The following KAZN variants were observed in gnomAD, a reference collection of about 807,000 sequenced individuals.
KAZN encodes kazrin.
Under a neutral mutation model 87.4 loss-of-function variants are expected in KAZN, and 40 were observed. That is an observed-to-expected ratio of 0.46 (90% CI 0.36 to 0.60). KAZN has a LOEUF of 0.60. Among genes scored for constraint, KAZN ranks in the 20% least tolerant of loss-of-function variants. KAZN has a pLI of 0.00. For synonymous variants in KAZN, 466 were observed against 458.3 expected (o/e 1.02, Z -0.22); for missense variants, 898 against 1,073.9 (o/e 0.84, Z 2.29).
intron 1 of KAZN, among the ~76,000 whole-genome samples, chr1:14,678,187 A>AC (rs1222865713): frequency 4.6e-5 from 7 of 152,114 alleles, no homozygotes; most frequent in African/African-American, 7.2e-5. Flanking sequence ...CCTCAGGAAG[A>AC]CCCACCCACA....
At chr1:14,374,030 C>A (rs1660709408) in intron 2 of KAZN, among the ~76,000 whole-genome samples, 1 of 152,210 alleles carries the variant, frequency 6.6e-6, no homozygotes, top group Non-Finnish European at 1.5e-5. Context: ...GTGGTAGTTA[C>A]TGACGTTCAT....
intron 1 of KAZN, among the ~76,000 whole-genome samples, chr1:14,881,535 T>G (rs1328629818): frequency 6.6e-6 from 1 of 152,236 alleles, no homozygotes; most frequent in Non-Finnish European, 1.5e-5. Context: ...CAAGTGTTTA[T>G]AGAATACTGA....
At chr1:14,209,910 G>C (rs1376087325) in intron 2 of KAZN, among the ~76,000 whole-genome samples, 1 of 152,120 alleles carries the variant, frequency 6.6e-6, no homozygotes, top group African/African-American at 2.4e-5. Flanking sequence ...GCTACTGTTT[G>C]TGGGGCCTGG....
chr1:14,360,318 G>A (rs982397285), intron 2 of KAZN, among the ~76,000 whole-genome samples: 1 of 152,074 alleles, frequency 6.6e-6, no homozygotes, highest in Non-Finnish European at 1.5e-5. Flanking sequence ...CTATAAACTA[G>A]TTATTGTAGT....
chr1:14,628,915 C>G (rs1003280980), intron 1 of KAZN, among the ~76,000 whole-genome samples: 2 of 150,906 alleles, frequency 1.3e-5, no homozygotes, highest in East Asian at 3.9e-4. Flanking sequence ...GGCACCATCT[C>G]CACTCACTGC....
chr1:14,248,076 T>A (rs1413320026), intron 2 of KAZN, among the ~76,000 whole-genome samples: 2 of 152,166 alleles, frequency 1.3e-5, no homozygotes, highest in Non-Finnish European at 2.9e-5. Flanking sequence ...AATTAGTAGG[T>A]TTGGAAAGCC....
chr1:14,575,935 T>C (rs1675151411), intron 2 of KAZN, among the ~76,000 whole-genome samples: 1 of 152,180 alleles, frequency 6.6e-6, no homozygotes, highest in South Asian at 2.1e-4. Context: ...AGAATAAAAA[T>C]GCATCCCCTT....
chr1:14,655,108 G>A (rs746803079), intron 1 of KAZN, among the ~76,000 whole-genome samples: 5 of 152,194 alleles, frequency 3.3e-5, no homozygotes, highest in Admixed American at 6.5e-5. Flanking sequence ...TATGTGTTCC[G>A]TGGTGCTGCT....
intron 2 of KAZN, among the ~76,000 whole-genome samples, chr1:14,488,311 A>G (rs1669461094): frequency 6.6e-6 from 1 of 152,098 alleles, no homozygotes; most frequent in African/African-American, 2.4e-5. Flanking sequence ...GAAGAAAGAC[A>G]GGAGGATGCT....
intron 2 of KAZN, among the ~76,000 whole-genome samples, chr1:14,230,573 T>C (rs559622477): frequency 2.6e-5 from 4 of 152,312 alleles, no homozygotes; most frequent in African/African-American, 7.2e-5. Context: ...ATTTTTCCTC[T>C]ATAGCTTGTT....
At chr1:15,064,666 G>A (rs1639078224) in intron 7 of KAZN, among the ~76,000 whole-genome samples, 1 of 152,198 alleles carries the variant, frequency 6.6e-6, no homozygotes, top group African/African-American at 2.4e-5. Context: ...GCCCCCGGTG[G>A]CCATACTGTC....
chr1:14,160,095 C>T (rs1442977215), intron 1 of KAZN, among the ~76,000 whole-genome samples: 1 of 152,146 alleles, frequency 6.6e-6, no homozygotes, highest in Non-Finnish European at 1.5e-5. Flanking sequence ...TGTCATGTGA[C>T]CTTCTGTCCA....
chr1:14,002,610 A>G (rs1340809744), intron 1 of KAZN, among the ~76,000 whole-genome samples: 1 of 152,196 alleles, frequency 6.6e-6, no homozygotes, highest in Non-Finnish European at 1.5e-5. Flanking sequence ...AAAATGAACT[A>G]ATACACTCAT....
At chr1:14,219,497 G>A (rs1255700028) in intron 2 of KAZN, among the ~76,000 whole-genome samples, 2 of 151,968 alleles carry the variant, frequency 1.3e-5, no homozygotes. Context: ...TTCTCCAATA[G>A]GTTTCATGCA....
At chr1:13,971,258 G>A (rs1642126193) in intron 1 of KAZN, among the ~76,000 whole-genome samples, 1 of 152,172 alleles carries the variant, frequency 6.6e-6, no homozygotes, top group Non-Finnish European at 1.5e-5. Flanking sequence ...AGAGCAAGTG[G>A]AACTGTTTAC....
intron 1 of KAZN, among the ~76,000 whole-genome samples, chr1:14,826,937 T>C (rs1557529941): frequency 6.6e-6 from 1 of 152,194 alleles, no homozygotes; most frequent in East Asian, 1.9e-4. Flanking sequence ...GGCTGTGTGA[T>C]GTGGGGTTAG....
intron 1 of KAZN, among the ~76,000 whole-genome samples, chr1:14,121,123 C>T (rs967616765): frequency 8.5e-5 from 13 of 152,216 alleles, no homozygotes; most frequent in Admixed American, 2.6e-4. Flanking sequence ...TCAAGCTGTG[C>T]GTACCATGGA....
At chr1:15,101,405 T>C in intron 10 of KAZN, 138 bp from the exon 11 acceptor site, 1 of 640,206 alleles carries the variant, frequency 1.6e-6, no homozygotes, top group Non-Finnish European at 2.8e-6. Context: ...CCTGTCCATG[T>C]CTGTCTCTGT....
chr1:14,478,309 G>A (rs1163263067), intron 2 of KAZN, among the ~76,000 whole-genome samples: 2 of 151,618 alleles, frequency 1.3e-5, no homozygotes, highest in Non-Finnish European at 2.9e-5. Context: ...GAGGATATAT[G>A]GATGGATAGA....
Sources: allele counts gnomAD v4.1 joint callset (sites outside exome capture counted in the v4.1 genomes callset), GRCh38; gene constraint gnomAD v4.1.1; transcripts MANE v1.5; gene names NCBI Gene and HGNC (gene_info 2026-07-23, HGNC 2026-07-21).